PTPRD: variants seen among roughly 807,000 people sequenced by gnomAD.
PTPRD encodes the protein receptor-type tyrosine-protein phosphatase delta.
PTPRD carries 34 observed loss-of-function variants against 214.5 expected under a neutral mutation model. The observed-to-expected ratio is 0.16, with a 90% CI of 0.12 to 0.21. The LOEUF (loss-of-function observed/expected upper bound fraction) is 0.21, where lower values mean the gene tolerates loss of function less well. PTPRD is among the 10% of genes least tolerant of loss of function. PTPRD has a pLI of 1.00. For synonymous variants in PTPRD, 1,128 were observed against 845.7 expected (o/e 1.33, Z -5.79); for missense variants, 2,545 against 2,398.7 (o/e 1.06, Z -1.27).
intron 8 of PTPRD, among the ~76,000 whole-genome samples, chr9:9,553,535 T>G (rs1402986245): frequency 6.6e-6 from 1 of 152,030 alleles, no homozygotes. Context: ...TTTTTCCACA[T>G]TGGTATTCCA....
intron 9 of PTPRD, among the ~76,000 whole-genome samples, chr9:9,255,800 T>C (rs1216386438): frequency 1.3e-5 from 2 of 152,064 alleles, no homozygotes; most frequent in African/African-American, 4.8e-5. Context: ...ACTTTTTTCA[T>C]TTTGTTTATG....
intron 4 of PTPRD, among the ~76,000 whole-genome samples, chr9:9,982,652 C>G (rs996694511): frequency 6.6e-6 from 1 of 151,802 alleles, no homozygotes; most frequent in African/African-American, 2.4e-5. Context: ...AGAGGTTATG[C>G]AAGAATCCAG....
chr9:9,674,988 A>G (rs1357946719), intron 7 of PTPRD, among the ~76,000 whole-genome samples: 1 of 151,856 alleles, frequency 6.6e-6, no homozygotes, highest in African/African-American at 2.4e-5. Context: ...GACAGATAGG[A>G]TACATAGAAT....
At chr9:8,570,911 G>C (rs2090942343) in intron 14 of PTPRD, among the ~76,000 whole-genome samples, 1 of 151,758 alleles carries the variant, frequency 6.6e-6, no homozygotes, top group South Asian at 2.1e-4. Context: ...AATGGGCTGA[G>C]AGCGCTCTAC....
intron 5 of PTPRD, among the ~76,000 whole-genome samples, chr9:9,805,690 T>C (rs1421366609): frequency 2.0e-5 from 3 of 152,170 alleles, no homozygotes; most frequent in Non-Finnish European, 1.5e-5. Context: ...TCCTAACTTT[T>C]TCAGCTTAAA....
intron 11 of PTPRD, among the ~76,000 whole-genome samples, chr9:8,896,786 A>G (rs1266753663): frequency 6.6e-6 from 1 of 152,212 alleles, no homozygotes; most frequent in Non-Finnish European, 1.5e-5. Context: ...CCACAGGCAC[A>G]TAAAACATTC....
intron 3 of PTPRD, among the ~76,000 whole-genome samples, chr9:10,222,152 G>A (rs924453206): frequency 2.0e-5 from 3 of 152,010 alleles, no homozygotes; most frequent in Admixed American, 2.0e-4. Flanking sequence ...GAATTGAATA[G>A]ATGAAAATAT....
At chr9:9,618,688 G>A (rs1180663345) in intron 7 of PTPRD, among the ~76,000 whole-genome samples, 1 of 152,140 alleles carries the variant, frequency 6.6e-6, no homozygotes, top group Non-Finnish European at 1.5e-5. Context: ...ATAGGTATCA[G>A]ATATTCAAAT....
intron 44 of PTPRD, among the ~76,000 whole-genome samples, chr9:8,323,453 C>A (rs531775022): frequency 6.6e-6 from 1 of 152,304 alleles, no homozygotes; most frequent in Admixed American, 6.5e-5. Context: ...AAGTAATTCA[C>A]CATTCTATAT....
chr9:8,823,403 C>A (rs1004025096), intron 11 of PTPRD, among the ~76,000 whole-genome samples: 2 of 152,212 alleles, frequency 1.3e-5, no homozygotes, highest in African/African-American at 4.8e-5. Context: ...ACCTTGCATG[C>A]TTCATGGAAA....
intron 3 of PTPRD, among the ~76,000 whole-genome samples, chr9:10,280,896 T>C (rs1388506205): frequency 6.6e-6 from 1 of 152,126 alleles, no homozygotes; most frequent in Non-Finnish European, 1.5e-5. Context: ...ATTACAAGTG[T>C]GAGCCACATG....
At chr9:9,201,454 C>G (rs747882003) in intron 9 of PTPRD, among the ~76,000 whole-genome samples, 3 of 152,000 alleles carry the variant, frequency 2.0e-5, no homozygotes, top group Non-Finnish European at 4.4e-5. Flanking sequence ...TTTGATCAGT[C>G]TTCCTAAGAA....
At chr9:9,815,740 T>C (rs982365690) in intron 5 of PTPRD, among the ~76,000 whole-genome samples, 1 of 152,008 alleles carries the variant, frequency 6.6e-6, no homozygotes, top group African/African-American at 2.4e-5. Flanking sequence ...TTTTAGCGGA[T>C]GGAAGGAGGT....
chr9:8,380,493 A>C (rs963076037), intron 37 of PTPRD, among the ~76,000 whole-genome samples: 10 of 152,196 alleles, frequency 6.6e-5, no homozygotes, highest in Non-Finnish European at 1.5e-4. Context: ...ATTTTTGGCT[A>C]AATTTGCGGG....
intron 5 of PTPRD, among the ~76,000 whole-genome samples, chr9:9,935,674 G>A (rs1043287032): frequency 6.8e-6 from 1 of 147,606 alleles, no homozygotes; most frequent in East Asian, 1.9e-4. Flanking sequence ...CAGATTCAAT[G>A]CCATCCCCAT....
At chr9:9,908,584 C>T (rs565110479) in intron 5 of PTPRD, among the ~76,000 whole-genome samples, 2 of 152,078 alleles carry the variant, frequency 1.3e-5, no homozygotes, top group African/African-American at 2.4e-5. Flanking sequence ...AAGTATTAAA[C>T]GTTCTGGATG....
chr9:8,425,958 T>C (rs1295771236), intron 35 of PTPRD, among the ~76,000 whole-genome samples: 1 of 152,190 alleles, frequency 6.6e-6, no homozygotes, highest in Non-Finnish European at 1.5e-5. Context: ...AAGAACTCTG[T>C]AGTTCTTCAT....
intron 10 of PTPRD, among the ~76,000 whole-genome samples, chr9:9,165,947 G>A (rs985916656): frequency 1.3e-5 from 2 of 151,712 alleles, no homozygotes; most frequent in African/African-American, 4.9e-5. Context: ...TTCCCCTTAA[G>A]TGTATCACCC....
intron 6 of PTPRD, among the ~76,000 whole-genome samples, chr9:9,742,589 C>T (rs1263173659): frequency 2.0e-5 from 3 of 151,894 alleles, no homozygotes; most frequent in Non-Finnish European, 4.4e-5. Context: ...ACATGTTATG[C>T]TAAAACTTTG....
Sources: allele counts gnomAD v4.1 joint callset (sites outside exome capture counted in the v4.1 genomes callset), GRCh38; gene constraint gnomAD v4.1.1; transcripts MANE v1.5; gene names NCBI Gene and HGNC (gene_info 2026-07-23, HGNC 2026-07-21).